Variants in SLC39A6 observed in about 807,000 individuals in gnomAD.
The protein encoded by SLC39A6 is solute carrier family 39 member 6, also known as zinc transporter ZIP6.
A neutral mutation model predicts 63.5 loss-of-function variants in SLC39A6; 51 were observed. The observed-to-expected ratio is 0.80, with a 90% CI of 0.64 to 1.01. The LOEUF is 1.01. SLC39A6 is among the 50% of genes least tolerant of loss of function. The pLI, the probability that SLC39A6 is intolerant of heterozygous loss-of-function variation, is 0.00. For missense variants in SLC39A6, 805 were observed against 927.8 expected, an observed-to-expected ratio of 0.87 and a Z score of 1.72; for synonymous variants, 318 against 324.7, an observed-to-expected ratio of 0.98 and a Z score of 0.22.
chr18:36,122,398 TG>T, intron 4 of SLC39A6, 128 bp from the exon 5 acceptor site: 1 of 705,636 alleles, frequency 1.4e-6, no homozygotes, highest in Non-Finnish European at 2.4e-6. Context: ...AGAGATGAGG[TG>T]AAGTTTAGGA....
rs200789263 is a variant in SLC39A6 at position 36,122,152 on chromosome 18, G to A, written c.1259C>T (p.Ser420Phe). Reference sequence around the variant, plus strand: ...TAGAGCTGTTAGACCCTTCCACGTGGAATCAAAATAGGCACTTTCTTCTAT... The same window carrying A: ...TAGAGCTGTTAGACCCTTCCACGTGAAATCAAAATAGGCACTTTCTTCTAT... ...QNIEESAYFD[S>F]TWKGLTALGG... The change falls in exon 5 of 10, where the codon TCC (serine) becomes TTC (phenylalanine). Residue 420 changes from serine to phenylalanine, a missense_variant. Coordinates refer to ENST00000269187, the MANE Select transcript of SLC39A6 (RefSeq NM_012319.4). The A allele has an allele frequency of 1.5e-4, 243 of 1,613,988 alleles. 1 individual carries two copies. The African/African-American group carries it at 3.0e-3, about 20-fold the overall frequency.
chr18:36,118,199 A>G (rs995742360), intron 5 of SLC39A6, among the ~76,000 whole-genome samples: 2 of 152,214 alleles, frequency 1.3e-5, no homozygotes, highest in Admixed American at 1.3e-4. Context: ...TCTAGAAAGT[A>G]GTTTAACCAA....
At chr18:36,123,439 A>ATT in intron 4 of SLC39A6, 56 bp downstream of exon 4, 1 of 1,436,004 alleles carries the variant, frequency 7.0e-7, no homozygotes, top group Non-Finnish European at 9.4e-7. Context: ...AAACCAAAAC[A>ATT]TTTTTTTTTC....
At chr18:36,116,834 G>T in intron 5 of SLC39A6, 55 bp from the exon 6 acceptor site, 1 of 1,270,352 alleles carries the variant, frequency 7.9e-7, no homozygotes, top group Non-Finnish European at 1.1e-6. Context: ...TATATGTACA[G>T]CTTTCAATCA....
chr18:36,114,873 G>C (rs1352989950), intron 6 of SLC39A6, among the ~76,000 whole-genome samples: 1 of 151,864 alleles, frequency 6.6e-6, no homozygotes, highest in African/African-American at 2.4e-5. Context: ...ATGAAAATTA[G>C]AAATAAAAAA....
rs758150632 is a variant in SLC39A6, at chr18:36,122,248, C to G, written c.1163G>C (p.Ser388Thr). 5 of 1,613,278 alleles carry G rather than the reference C, an allele frequency of 3.1e-6. No homozygotes were observed. The South Asian group carries it at 5.5e-5, about 18-fold the overall frequency. Residue 388 changes from serine (S) to threonine (T), a missense_variant, in exon 5 of 10, where the codon AGT becomes ACT. Physicochemically the swap from Ser to Thr is moderately conservative, Grantham distance 58 (BLOSUM62 1). Around this residue, in one of 4 missense-constraint regions of SLC39A6, gnomAD observed 639 missense variants for 644.0 expected, o/e 0.99. Transcript: ENST00000269187. Reference sequence around the variant, plus strand: ...CATTGCTGGTTCTTCATGGCTATGACTATGGTGGTGACTTGCATGAGACTG... The same window carrying G: ...CATTGCTGGTTCTTCATGGCTATGAGTATGGTGGTGACTTGCATGAGACTG... ...LPHSHASHHH[S>T]HSHEEPAMEM...
chr18:36,110,107 T>C (rs2089289303), intron 9 of SLC39A6, among the ~76,000 whole-genome samples: 1 of 152,152 alleles, frequency 6.6e-6, no homozygotes, highest in Non-Finnish European at 1.5e-5. Context: ...AACCTTATAC[T>C]ATATAAGATA....
chr18:36,116,476 CAAAAT>C (rs1376325966), intron 6 of SLC39A6, among the ~76,000 whole-genome samples, 193 bp downstream of exon 6: 20 of 151,974 alleles, frequency 1.3e-4, no homozygotes, highest in Admixed American at 9.8e-4. Context: ...GAATTTACTT[CAAAAT>C]AAAAAGTTAC....
At chr18:36,118,018 G>A (rs2089361895) in intron 5 of SLC39A6, among the ~76,000 whole-genome samples, 2 of 147,292 alleles carry the variant, frequency 1.4e-5, no homozygotes, top group Non-Finnish European at 1.5e-5. Flanking sequence ...GCGACAGAGT[G>A]AGACTCCATC....
At chr18:36,113,099 A>AT (rs200158363) in intron 7 of SLC39A6, among the ~76,000 whole-genome samples, 7,214 of 126,800 alleles carry the variant, frequency 0.057, 571 homozygotes, top group African/African-American at 0.18. Flanking sequence ...GTGCATATAT[A>AT]TTTTTTTTTT....
intron 3 of SLC39A6, among the ~76,000 whole-genome samples, 178 bp downstream of exon 3, chr18:36,124,342 T>C (rs1015344840): frequency 6.6e-6 from 1 of 152,194 alleles, no homozygotes; most frequent in South Asian, 2.1e-4. Flanking sequence ...TCTGGGATTT[T>C]TTTTTAAAGG....
chr18:36,122,032 C>T lies in SLC39A6; in HGVS notation c.1359+20G>A. The T allele has an allele frequency of 6.6e-7, 1 of 1,517,650 alleles. No homozygotes were observed. The highest frequency in any genetic ancestry group is 9.1e-7 in the Non-Finnish European group (1 of 1,096,918). The allele number at this position is 1,517,650 out of a possible 1,614,324, so 94.0% of individuals were successfully genotyped here. On this transcript the variant is annotated intron_variant, in intron 5 of 9. Coordinates refer to ENST00000269187, the MANE Select transcript of SLC39A6 (RefSeq NM_012319.4). ...ATAAATATCTGAAGCATAGTAAGTA[C>T]TCGGTATACTTTTTCTTACCTTTTT...
intron 2 of SLC39A6, among the ~76,000 whole-genome samples, chr18:36,125,497 C>G (rs970189333): frequency 2.6e-5 from 4 of 152,156 alleles, no homozygotes; most frequent in Admixed American, 2.6e-4. Context: ...ATGGCTATGG[C>G]CACTACTAGG....
At chr18:36,114,000 T>C in intron 7 of SLC39A6, 97 bp downstream of exon 7, 2 of 1,415,468 alleles carry the variant, frequency 1.4e-6, no homozygotes, top group Non-Finnish European at 1.9e-6. Context: ...ACTAATATCC[T>C]CATCTAAACT....
At chr18:36,127,099 T>C (rs1445223245) in intron 1 of SLC39A6, 83 bp from the exon 2 acceptor site, 1 of 1,183,408 alleles carries the variant, frequency 8.5e-7, no homozygotes, top group South Asian at 1.6e-5. Context: ...AATTAATGTG[T>C]AATCAAATAA....
intron 8 of SLC39A6, 69 bp from the exon 9 acceptor site, chr18:36,111,318 C>G: frequency 6.8e-7 from 1 of 1,477,038 alleles, no homozygotes; most frequent in East Asian, 2.4e-5. Flanking sequence ...TACCAAGATA[C>G]TTCCCAGATT....
Position 36,123,626 on chromosome 18 carries a change from A to T in SLC39A6, c.1009T>A (p.Phe337Ile), listed in dbSNP as rs373870560. Reference sequence around the variant, plus strand: ...AAGATAACCCCCAGCAGAGACAGGAAACTGATGATGGAAATGGCTATAAAA... The same window carrying T: ...AAGATAACCCCCAGCAGAGACAGGATACTGATGATGGAAATGGCTATAAAA... Reference protein sequence around the residue: ...GGFIAISIISFLSLLGVILVP... With the variant: ...GGFIAISIISILSLLGVILVP... Residue 337 changes from phenylalanine to isoleucine, a missense_variant, in exon 4 of 10, where the codon TTC (phenylalanine) becomes ATC (isoleucine). Physicochemically the swap from Phe to Ile is conservative, Grantham distance 21. This residue lies in a region of SLC39A6 where 639 missense variants were observed against 644.0 expected (regional missense o/e 0.99). Coordinates refer to ENST00000269187, the MANE Select transcript of SLC39A6 (RefSeq NM_012319.4). The T allele has an allele frequency of 4.3e-6, 7 of 1,611,134 alleles. No homozygotes were observed. The highest frequency in any genetic ancestry group is 5.9e-6 in the Non-Finnish European group (7 of 1,179,376).
intron 9 of SLC39A6, among the ~76,000 whole-genome samples, chr18:36,110,452 A>C (rs950363928): frequency 6.6e-6 from 1 of 150,982 alleles, no homozygotes; most frequent in South Asian, 2.1e-4. Flanking sequence ...AAAAAAAAAA[A>C]CTCTAAAGAA....
intron 5 of SLC39A6, among the ~76,000 whole-genome samples, chr18:36,119,404 T>C (rs2089372706): frequency 6.6e-6 from 1 of 152,170 alleles, no homozygotes; most frequent in African/African-American, 2.4e-5. Context: ...GACACTATTC[T>C]ACACATTGGA....
Sources: allele counts gnomAD v4.1 joint callset (sites outside exome capture counted in the v4.1 genomes callset), GRCh38; gene constraint gnomAD v4.1.1; regional missense constraint gnomAD v4.1.1; transcripts MANE v1.5; gene names NCBI Gene and HGNC (gene_info 2026-07-23, HGNC 2026-07-21).